LAMC2: variants seen among roughly 807,000 people sequenced by gnomAD.
LAMC2 encodes laminin subunit gamma 2.
In LAMC2, 97 loss-of-function variants were observed where a neutral mutation model predicts 140.2. That is an observed-to-expected ratio of 0.69 (90% CI 0.59 to 0.82). The LOEUF (loss-of-function observed/expected upper bound fraction) is 0.82, where lower values mean the gene tolerates loss of function less well. LAMC2 is among the 40% of genes least tolerant of loss of function. The pLI is 0.00. For missense variants in LAMC2, 1,402 were observed against 1,476.1 expected, an observed-to-expected ratio of 0.95 and a Z score of 0.82; for synonymous variants, 513 against 540.2, an observed-to-expected ratio of 0.95 and a Z score of 0.70.
downstream of LAMC2, among the ~76,000 whole-genome samples, chr1:183,245,133 A>C (rs1247117529): frequency 6.6e-6 from 1 of 152,200 alleles, no homozygotes; most frequent in Non-Finnish European, 1.5e-5. Flanking sequence ...TATTTCTAGA[A>C]AAACTCTAGC....
At chr1:183,231,171 T>A in intron 12 of LAMC2, 68 bp downstream of exon 12, 1 of 1,580,924 alleles carries the variant, frequency 6.3e-7, no homozygotes, top group Non-Finnish European at 8.7e-7. Flanking sequence ...ACTGGGTGGT[T>A]CTGTCACAGA....
chr1:183,247,547 TA>T (rs1466266335), downstream of LAMC2, among the ~76,000 whole-genome samples: 1,097 of 133,540 alleles, frequency 8.2e-3, 4 homozygotes, highest in Admixed American at 0.012. Flanking sequence ...AAAAAAAAGA[TA>T]AAAGAAAAAA....
intron 4 of LAMC2, among the ~76,000 whole-genome samples, chr1:183,220,486 A>G (rs1389290789): frequency 6.6e-6 from 1 of 152,044 alleles, no homozygotes; most frequent in African/African-American, 2.4e-5. Context: ...GCAGCATTGC[A>G]TAGCCCTGCC....
At chr1:183,207,791 C>G (rs1007932165) in intron 1 of LAMC2, 90 bp from the exon 2 acceptor site, 125 of 1,120,640 alleles carry the variant, frequency 1.1e-4, no homozygotes, top group Non-Finnish European at 5.7e-5. Flanking sequence ...TGCATAATTT[C>G]TATCAATAAT....
chr1:183,207,850 T>TTTTTAA, intron 1 of LAMC2, 31 bp from the exon 2 acceptor site: 1 of 1,568,792 alleles, frequency 6.4e-7, no homozygotes, highest in Non-Finnish European at 8.8e-7. Flanking sequence ...TTTTTTTTTT[T>TTTTTAA]GACGATCTCT....
At chr1:183,230,110 G>C (rs986313410) in intron 11 of LAMC2, among the ~76,000 whole-genome samples, 12 of 152,048 alleles carry the variant, frequency 7.9e-5, no homozygotes, top group Admixed American at 7.9e-4. Context: ...TTTAGTTTTA[G>C]CTGTAATTCT....
intron 1 of LAMC2, among the ~76,000 whole-genome samples, chr1:183,194,508 T>C (rs539345300): frequency 6.6e-6 from 1 of 152,300 alleles, no homozygotes; most frequent in South Asian, 2.1e-4. Context: ...AAAAGGAAGA[T>C]TTATTGTTTT....
the LAMC2 span, chr1:183,250,507 G>T: frequency 6.6e-6 from 1 of 152,650 alleles, no homozygotes; most frequent in Non-Finnish European, 1.5e-5. Context: ...CACCTGGTCA[G>T]CAACATGAGG....
the LAMC2 span, among the ~76,000 whole-genome samples, chr1:183,254,327 C>T: frequency 1.3e-5 from 2 of 152,082 alleles, no homozygotes; most frequent in African/African-American, 2.4e-5. Flanking sequence ...TTTTATTTCC[C>T]TGGTGATTAG....
rs758685980 is a variant in LAMC2, at chr1:183,231,208, A to G, written c.1857+105A>G. The G allele has an allele frequency of 2.3e-4, 295 of 1,298,012 alleles. 2 individuals carry two copies. The highest frequency in any genetic ancestry group is 6.9e-4 in the Middle Eastern group (3 of 4,334). 80.4% of individuals were successfully genotyped at this position (1,298,012 alleles called of 1,614,324 possible). A position where few individuals can be genotyped will look rare whatever the true frequency, so the allele number is the denominator to read the frequency against. ...CTAGGACACTCCTAGTCTCCTGAGG[A>G]TGGGAGTAGTGATTACTATTTCTGT... is the stretch of plus-strand genomic sequence containing the variant. On this transcript the variant is annotated intron_variant, in intron 12 of 22. Transcript: ENST00000264144.
chr1:183,201,620 AC>A (rs35992825), intron 1 of LAMC2, among the ~76,000 whole-genome samples: 1 of 152,022 alleles, frequency 6.6e-6, no homozygotes, highest in Non-Finnish European at 1.5e-5. Context: ...AACATTAGCA[AC>A]CCCCTTGGCT....
At chr1:183,198,660 C>T (rs1402461300) in intron 1 of LAMC2, among the ~76,000 whole-genome samples, 1 of 152,218 alleles carries the variant, frequency 6.6e-6, no homozygotes, top group Non-Finnish European at 1.5e-5. Context: ...TCCCACACAG[C>T]CGCCAAGTAC....
chr1:183,252,782 C>A, the LAMC2 span: 7 of 1,492,094 alleles, frequency 4.7e-6, no homozygotes, highest in Non-Finnish European at 5.6e-6. Flanking sequence ...GACATCCACA[C>A]CCAAAGCAAG....
rs1462017746 is a variant in LAMC2, at chr1:183,226,558, A to G, written c.1067-140A>G. 26 of 763,122 alleles carry G rather than the reference A, an allele frequency of 3.4e-5. 1 individual carries two copies. Among genetic ancestry groups the G allele is most frequent in the South Asian group, 2.7e-4 (18 of 67,320 alleles). 47.3% of individuals were successfully genotyped at this position (763,122 alleles called of 1,614,324 possible). On this transcript the variant is annotated intron_variant, in intron 8 of 22. Transcript: ENST00000264144. The stretch of plus-strand genomic sequence containing the variant: ...TGCTCAGTCACAGTGGGAGACTGCC[A>G]TACCTCTCTACATGGCATGATATAT...
At chr1:183,199,097 CTTTT>C (rs906113983) in intron 1 of LAMC2, among the ~76,000 whole-genome samples, 2 of 67,626 alleles carry the variant, frequency 3.0e-5, no homozygotes, top group African/African-American at 1.3e-4. Flanking sequence ...GTTGGCTTTT[CTTTT>C]TTTTTTTTTT....
chr1:183,231,149 C>T, intron 12 of LAMC2, 46 bp downstream of exon 12: 2 of 1,610,290 alleles, frequency 1.2e-6, no homozygotes, highest in Non-Finnish European at 1.7e-6. Flanking sequence ...AGAATCAAAT[C>T]CTTAAGTGTC....
intron 17 of LAMC2, 148 bp downstream of exon 17, chr1:183,236,752 A>G (rs952163519): frequency 2.1e-6 from 2 of 950,340 alleles, no homozygotes; most frequent in Non-Finnish European, 3.3e-6. Flanking sequence ...TAGCCTTCTC[A>G]TTACCCATTT....
intron 1 of LAMC2, among the ~76,000 whole-genome samples, chr1:183,207,434 A>G (rs1383432055): frequency 1.3e-5 from 2 of 152,152 alleles, no homozygotes; most frequent in Admixed American, 6.5e-5. Context: ...TATCTTGAGC[A>G]GCGACACCAT....
intron 1 of LAMC2, among the ~76,000 whole-genome samples, chr1:183,191,624 G>A (rs937669522): frequency 3.3e-5 from 5 of 151,930 alleles, no homozygotes; most frequent in South Asian, 2.1e-4. Context: ...TTGGGAGGCC[G>A]AGGCGGGCGG....
Sources: allele counts gnomAD v4.1 joint callset (sites outside exome capture counted in the v4.1 genomes callset), GRCh38; gene constraint gnomAD v4.1.1; transcripts MANE v1.5; gene names NCBI Gene and HGNC (gene_info 2026-07-23, HGNC 2026-07-21).